SORCS1: variants seen among roughly 807,000 people sequenced by gnomAD.
SORCS1 encodes VPS10 domain-containing receptor SorCS1.
A neutral mutation model predicts 146.1 loss-of-function variants in SORCS1; 60 were observed. The observed-to-expected ratio is 0.41, with a 90% CI of 0.33 to 0.51. The LOEUF (loss-of-function observed/expected upper bound fraction) is 0.51. Ranked by LOEUF, SORCS1 falls within the 20% of genes least tolerant of loss-of-function variation. The pLI, the probability that SORCS1 is intolerant of heterozygous loss-of-function variation, is 0.21. For synonymous variants in SORCS1, 637 were observed against 584.0 expected (o/e 1.09, Z -1.31); for missense variants, 1,352 against 1,487.6 (o/e 0.91, Z 1.50).
intron 1 of SORCS1, among the ~76,000 whole-genome samples, chr10:106,963,307 G>A (rs1057088261): frequency 1.3e-5 from 2 of 151,778 alleles, no homozygotes; most frequent in African/African-American, 4.8e-5. Flanking sequence ...AGTAGAGACA[G>A]GGTTTCACCG....
At chr10:106,727,180 A>G (rs571731586) in intron 6 of SORCS1, among the ~76,000 whole-genome samples, 2 of 152,280 alleles carry the variant, frequency 1.3e-5, no homozygotes, top group Admixed American at 1.3e-4. Flanking sequence ...GGTAGCATAC[A>G]TGCTAAGGTT....
intron 1 of SORCS1, among the ~76,000 whole-genome samples, chr10:107,146,858 G>C (rs1968372283): frequency 6.6e-6 from 1 of 152,044 alleles, no homozygotes; most frequent in Non-Finnish European, 1.5e-5. Flanking sequence ...TAATGATTGT[G>C]ACTACTTCCT....
At chr10:106,697,466 A>AT (rs1256964082) in intron 9 of SORCS1, among the ~76,000 whole-genome samples, 4 of 151,734 alleles carry the variant, frequency 2.6e-5, no homozygotes, top group African/African-American at 9.7e-5. Context: ...AAAATAAATA[A>AT]ATAAATAAAT....
chr10:107,074,591 G>C (rs1423159451), intron 1 of SORCS1, among the ~76,000 whole-genome samples: 1 of 152,172 alleles, frequency 6.6e-6, no homozygotes, highest in Non-Finnish European at 1.5e-5. Context: ...CATTTGGTAA[G>C]AGTATGATTC....
intron 1 of SORCS1, among the ~76,000 whole-genome samples, chr10:107,032,420 T>G (rs4418732): frequency 6.6e-6 from 1 of 151,992 alleles, no homozygotes; most frequent in African/African-American, 2.4e-5. Flanking sequence ...TGCATTTTTT[T>G]CCTTTCTTTC....
intron 1 of SORCS1, among the ~76,000 whole-genome samples, chr10:107,040,185 A>C (rs571027605): frequency 6.6e-6 from 1 of 152,170 alleles, no homozygotes; most frequent in Non-Finnish European, 1.5e-5. Context: ...ATAGGCAATG[A>C]CTCCATAGAG....
intron 6 of SORCS1, among the ~76,000 whole-genome samples, chr10:106,729,581 T>C (rs112011618): frequency 0.018 from 2,701 of 152,040 alleles, 84 homozygotes; most frequent in African/African-American, 0.062. Flanking sequence ...GCAACAACAA[T>C]GAAACACTTT....
chr10:106,876,181 A>G (rs867821668), intron 2 of SORCS1, among the ~76,000 whole-genome samples: 52 of 152,148 alleles, frequency 3.4e-4, no homozygotes, highest in African/African-American at 1.1e-3. Context: ...TTAAAGATAC[A>G]CTGTAAGGAA....
intron 18 of SORCS1, among the ~76,000 whole-genome samples, chr10:106,639,285 G>C (rs569319182): frequency 6.6e-6 from 1 of 152,276 alleles, no homozygotes; most frequent in Admixed American, 6.5e-5. Context: ...GTATTGTTAG[G>C]GCCTCAAGTA....
chr10:107,033,353 G>A (rs915195438), intron 1 of SORCS1, among the ~76,000 whole-genome samples: 5 of 152,094 alleles, frequency 3.3e-5, no homozygotes, highest in South Asian at 2.1e-4. Context: ...GAGTGGGGAC[G>A]TAGAGCCAAA....
chr10:106,636,434 A>G (rs1312479647), intron 18 of SORCS1, among the ~76,000 whole-genome samples: 1 of 152,204 alleles, frequency 6.6e-6, no homozygotes, highest in African/African-American at 2.4e-5. Flanking sequence ...ACACTGCTAT[A>G]AAGAACTGCC....
chr10:106,962,920 A>C (rs1253262430), intron 1 of SORCS1, among the ~76,000 whole-genome samples: 2 of 152,108 alleles, frequency 1.3e-5, no homozygotes, highest in African/African-American at 4.8e-5. Flanking sequence ...TTCATTGTCC[A>C]AGCTCCGATA....
At chr10:106,932,148 A>C (rs958027252) in intron 2 of SORCS1, among the ~76,000 whole-genome samples, 2 of 152,142 alleles carry the variant, frequency 1.3e-5, no homozygotes, top group African/African-American at 4.8e-5. Flanking sequence ...TGTTATGTGA[A>C]TTTTTATCCC....
At chr10:107,062,840 A>G (rs1042815509) in intron 1 of SORCS1, among the ~76,000 whole-genome samples, 2 of 152,220 alleles carry the variant, frequency 1.3e-5, no homozygotes, top group Admixed American at 6.5e-5. Flanking sequence ...ATGTGTGAAG[A>G]CACAGGTGTT....
At position 107,164,566 on chromosome 10, in the gene SORCS1, G is replaced by A. The variant is rs1969973144; in HGVS notation, c.-40C>T. ...GCAGCGGAGAGAGGGGTCCCAGAAC[G>A]AAGGTGGCGGCACGAGCTCTGCGCT... On this transcript the variant is annotated 5_prime_UTR_variant, in exon 1 of 26. Transcript: ENST00000263054. The surrounding 1 kb of genome is among the most constrained non-coding windows in gnomAD (Gnocchi z 6.8). 1 of 1,315,772 alleles carries A rather than the reference G, an allele frequency of 7.6e-7. No homozygotes were observed. The highest frequency in any genetic ancestry group is 9.7e-7 in the Non-Finnish European group (1 of 1,035,888). 81.5% of individuals were successfully genotyped at this position (1,315,772 alleles called of 1,614,324 possible).
intron 3 of SORCS1, among the ~76,000 whole-genome samples, chr10:106,828,377 G>A (rs1035168119): frequency 1.3e-5 from 2 of 152,140 alleles, no homozygotes; most frequent in Non-Finnish European, 2.9e-5. Flanking sequence ...ATAGTTACCT[G>A]AGCCCTAATC....
chr10:106,900,617 T>C (rs1288575239), intron 2 of SORCS1, among the ~76,000 whole-genome samples: 2 of 152,186 alleles, frequency 1.3e-5, no homozygotes, highest in Non-Finnish European at 2.9e-5. Context: ...TCCCCACTGG[T>C]GAATGGCTCC....
intron 23 of SORCS1, among the ~76,000 whole-genome samples, chr10:106,599,811 G>A (rs993452103): frequency 6.7e-5 from 10 of 148,390 alleles, no homozygotes; most frequent in African/African-American, 2.5e-4. Context: ...TGCTCTTGTC[G>A]CCCAGGCTGG....
At position 106,653,449 on chromosome 10, in the gene SORCS1, G is replaced by C. The variant is rs184109942; in HGVS notation, c.2304-896C>G. 2.0e-4 allele frequency among the ~76,000 whole-genome samples: 31 copies of C among 152,250 alleles called. 1 individual carries two copies. The highest frequency in any genetic ancestry group is 6.3e-4 in the African/African-American group (26 of 41,558). On this transcript the variant is annotated intron_variant, in intron 17 of 25. Transcript: ENST00000263054. Reference sequence around the variant, plus strand: ...TTACTTTCCACTCTTCTAGACCAGAGGTCAGCAAACTTTTTATATAAACAG... The same window carrying C: ...TTACTTTCCACTCTTCTAGACCAGACGTCAGCAAACTTTTTATATAAACAG...
Sources: gnomAD v4.1 joint callset for allele counts (sites outside exome capture counted in the v4.1 genomes callset) on GRCh38, gnomAD v4.1.1 for gene constraint, Gnocchi (gnomAD v3.1) non-coding constraint, MANE v1.5 for transcripts, NCBI Gene and HGNC (gene_info 2026-07-23, HGNC 2026-07-21) for gene names.